Variants in DOCK1 observed in about 807,000 individuals in gnomAD.
DOCK1 encodes the protein dedicator of cytokinesis protein 1.
Under a neutral mutation model 262.7 loss-of-function variants are expected in DOCK1, and 138 were observed. That is an observed-to-expected ratio of 0.53 (90% confidence interval 0.46 to 0.61). The LOEUF (loss-of-function observed/expected upper bound fraction) is 0.61. Ranked by LOEUF, DOCK1 falls within the 20% of genes least tolerant of loss-of-function variation. The pLI, the probability that DOCK1 is intolerant of heterozygous loss-of-function variation, is 0.00. For missense variants in DOCK1, 1,908 were observed against 2,370.7 expected, an observed-to-expected ratio of 0.80 and a Z score of 4.05; for synonymous variants, 866 against 867.4, an observed-to-expected ratio of 1.00 and a Z score of 0.03.
chr10:127,255,213 A>G (rs1590143625), intron 28 of DOCK1, among the ~76,000 whole-genome samples: 1 of 152,086 alleles, frequency 6.6e-6, no homozygotes, highest in East Asian at 1.9e-4. Context: ...CAGCCTGGGT[A>G]ATATAGCAAG....
intron 2 of DOCK1, among the ~76,000 whole-genome samples, chr10:126,973,801 T>A (rs548344643): frequency 6.7e-4 from 102 of 152,328 alleles, no homozygotes; most frequent in African/African-American, 2.3e-3. Context: ...ATGGCTTGTA[T>A]TAGAGTCTGG....
chr10:127,070,426 G>C (rs547755818), intron 23 of DOCK1, among the ~76,000 whole-genome samples: 35 of 151,682 alleles, frequency 2.3e-4, no homozygotes, highest in Middle Eastern at 3.4e-3. Context: ...GCTAATTTTT[G>C]TATTTTTAGT....
chr10:126,905,842 G>A (rs1317932273), intron 1 of DOCK1, among the ~76,000 whole-genome samples: 1 of 151,866 alleles, frequency 6.6e-6, no homozygotes, highest in Non-Finnish European at 1.5e-5. Flanking sequence ...TGTCCCCTCC[G>A]ACGCCCGCTC....
chr10:127,420,135 T>C (rs111648761), intron 46 of DOCK1, among the ~76,000 whole-genome samples: 95 of 152,328 alleles, frequency 6.2e-4, no homozygotes, highest in African/African-American at 2.0e-3. Flanking sequence ...GTGAAACGCA[T>C]GTACGTCAGA....
In DOCK1 at chr10:126,990,486, G is replaced by A. The variant is rs757300109; in HGVS notation, c.356G>A (p.Arg119Gln). The change falls in exon 6 of 52, where the codon CGG (arginine) becomes CAG (glutamine). Residue 119 changes from arginine to glutamine, a missense_variant. By Grantham distance (43) the Arg-to-Gln change is conservative (BLOSUM62 1). Coordinates refer to ENST00000623213, the MANE Select transcript of DOCK1 (RefSeq NM_001290223.2). Reference sequence around the variant, plus strand: ...AACAGGGAGATGTTTCGAAGTGTGCGGCACATGATCTATGACCTTATTGAA... The same window carrying A: ...AACAGGGAGATGTTTCGAAGTGTGCAGCACATGATCTATGACCTTATTGAA... ...QDNREMFRSV[R>Q]HMIYDLIEWR... 50 of 1,612,482 alleles carry A rather than the reference G, an allele frequency of 3.1e-5. No individual in the cohort carries two copies. Among genetic ancestry groups the A allele is most frequent in the East Asian group, 4.5e-5 (2 of 44,846 alleles).
intron 23 of DOCK1, among the ~76,000 whole-genome samples, chr10:127,064,054 C>T (rs2045704626): frequency 6.6e-6 from 1 of 152,208 alleles, no homozygotes; most frequent in Non-Finnish European, 1.5e-5. Flanking sequence ...TGTTTTAACT[C>T]TTTCAGTTTT....
intron 1 of DOCK1, among the ~76,000 whole-genome samples, chr10:126,919,123 T>G (rs2032905326): frequency 6.6e-6 from 1 of 152,192 alleles, no homozygotes; most frequent in Non-Finnish European, 1.5e-5. Context: ...ACACGAATTG[T>G]GTGGCTCATC....
chr10:126,909,299 GCTT>G (rs2031413053), intron 1 of DOCK1, among the ~76,000 whole-genome samples: 1 of 152,192 alleles, frequency 6.6e-6, no homozygotes, highest in South Asian at 2.1e-4. Flanking sequence ...CCCTGAATGA[GCTT>G]GGAAACAGAT....
intron 27 of DOCK1, among the ~76,000 whole-genome samples, chr10:127,149,365 C>T (rs890820879): frequency 5.3e-5 from 8 of 152,144 alleles, no homozygotes; most frequent in Non-Finnish European, 1.0e-4. Flanking sequence ...GTTTTCCCCC[C>T]GCCTTGAAAT....
chr10:127,353,786 T>G (rs971856504), intron 31 of DOCK1, among the ~76,000 whole-genome samples: 6 of 152,186 alleles, frequency 3.9e-5, no homozygotes, highest in Non-Finnish European at 7.3e-5. Context: ...AGACAGGTGC[T>G]TAGGGCACCA....
chr10:127,323,874 G>T (rs560781200), intron 29 of DOCK1, among the ~76,000 whole-genome samples: 1 of 152,216 alleles, frequency 6.6e-6, no homozygotes. Flanking sequence ...GCTGCATTTG[G>T]CATCTGAGCT....
chr10:126,980,561 ATTC>A (rs1565027048), intron 3 of DOCK1, among the ~76,000 whole-genome samples: 1 of 151,954 alleles, frequency 6.6e-6, no homozygotes, highest in African/African-American at 2.4e-5. Context: ...CTCTGTGATA[ATTC>A]TTCTTTATAT....
At chr10:126,963,648 T>TTCCTTCCCTCCTTCCTTCCTTCCCTCCC (rs1554962864) in intron 1 of DOCK1, among the ~76,000 whole-genome samples, 1 of 63,398 alleles carries the variant, frequency 1.6e-5, no homozygotes. Context: ...CCCTCCTTCC[T>TTCCTTCCCTCCTTCCTTCCTTCCCTCCC]TCCTTCCTTC....
intron 1 of DOCK1, among the ~76,000 whole-genome samples, chr10:126,951,663 GGTA>G (rs1322895780): frequency 3.3e-5 from 5 of 151,754 alleles, no homozygotes; most frequent in Non-Finnish European, 7.4e-5. Flanking sequence ...TGGTGACAAT[GGTA>G]GTAGTAGTAA....
At position 127,302,741 on chromosome 10, in the gene DOCK1, GGTGTGT is replaced by G. The variant is rs1196456742; in HGVS notation, c.3045-36224_3045-36219del. On this transcript the variant is annotated intron_variant, in intron 29 of 51. Transcript: ENST00000623213. ...CTTTTCCTAACTCTGGAAAAGAGGG[GGTGTGT>G]GTGTGTGTGTGTGTGTGTGTGTGTG... Among the ~76,000 whole-genome samples, 23 of 108,164 alleles carry G rather than the reference GGTGTGT, an allele frequency of 2.1e-4. No homozygotes were observed. The East Asian group carries it at 3.7e-3, about 17-fold the overall frequency. The allele number at this position is 108,164 out of a possible 152,430, so 71.0% of individuals were successfully genotyped here.
At chr10:127,325,177 A>G (rs568569624) in intron 29 of DOCK1, among the ~76,000 whole-genome samples, 1 of 152,344 alleles carries the variant, frequency 6.6e-6, no homozygotes, top group Admixed American at 6.5e-5. Flanking sequence ...AACTATTATT[A>G]TTCTGTGGTT....
chr10:127,102,813 C>T lies in DOCK1; in HGVS notation c.2446-3418C>T, dbSNP rs574811049. On this transcript the variant is annotated intron_variant, in intron 23 of 51. Transcript: ENST00000623213. ...CAAGATTGTGCCACTGCACTCCAGC[C>T]CAGGCGGAAGAGTGAAACTCAGTCT... is the stretch of plus-strand genomic sequence containing the variant. Among the ~76,000 whole-genome samples, 22 of 152,118 alleles carry T rather than the reference C, an allele frequency of 1.4e-4. 1 individual carries two copies. In the South Asian group the frequency reaches 4.6e-3, roughly 32 times the overall value.
In DOCK1 at chr10:127,336,196, G is replaced by A. The variant is rs1419220009; in HGVS notation, c.3045-2810G>A. ...TTCTCCTTGCCTCATTGGGTGATTGGCCCGGGGCATAGCTGTGTTTCCGTC... is the reference window on the plus strand; with the variant it reads ...TTCTCCTTGCCTCATTGGGTGATTGACCCGGGGCATAGCTGTGTTTCCGTC... On this transcript the variant is annotated intron_variant, in intron 29 of 51. Coordinates refer to ENST00000623213, the MANE Select transcript of DOCK1 (RefSeq NM_001290223.2). Among the ~76,000 whole-genome samples, 4 of 152,182 alleles carry A rather than the reference G, an allele frequency of 2.6e-5. No individual in the cohort carries two copies. In the South Asian group the frequency reaches 8.3e-4, roughly 32 times the overall value.
intron 21 of DOCK1, among the ~76,000 whole-genome samples, chr10:127,043,979 A>G (rs2044179493): frequency 6.6e-6 from 1 of 152,046 alleles, no homozygotes; most frequent in African/African-American, 2.4e-5. Context: ...ATTGGGTTTC[A>G]TTATCATTAG....
Sources: gnomAD v4.1 joint callset for allele counts (sites outside exome capture counted in the v4.1 genomes callset) on GRCh38, gnomAD v4.1.1 for gene constraint, MANE v1.5 for transcripts, NCBI Gene and HGNC (gene_info 2026-07-23, HGNC 2026-07-21) for gene names.